Variants in HNF1B observed in about 807,000 individuals in gnomAD.
HNF1B encodes the protein HNF1 homeobox B, also known as hepatocyte nuclear factor 1-beta.
A neutral mutation model predicts 61.7 loss-of-function variants in HNF1B; 8 were observed. The ratio of observed to expected loss-of-function variants is 0.13; its 90% confidence interval spans 0.08 to 0.23. The LOEUF (loss-of-function observed/expected upper bound fraction) is 0.23, where lower values mean the gene tolerates loss of function less well. Among genes scored for constraint, HNF1B ranks in the 10% least tolerant of loss-of-function variants. The pLI is 1.00. For synonymous variants in HNF1B, 314 were observed against 287.7 expected (o/e 1.09, Z -0.93); for missense variants, 562 against 714.5 (o/e 0.79, Z 2.43).
At chr17:37,727,401 C>T (rs1280248232) in intron 4 of HNF1B, among the ~76,000 whole-genome samples, 2 of 152,108 alleles carry the variant, frequency 1.3e-5, no homozygotes, top group African/African-American at 4.8e-5. Context: ...CTTCAGGCCC[C>T]CAAGAAGAGC....
chr17:37,687,485 C>T, intron 8 of HNF1B, 93 bp from the exon 9 acceptor site: 1 of 950,548 alleles, frequency 1.1e-6, no homozygotes, highest in Non-Finnish European at 1.7e-6. Flanking sequence ...TGATGCCCAA[C>T]TCAACCAGCA....
In HNF1B at chr17:37,687,330, A is replaced by G; in HGVS notation, c.*42T>C. On this transcript the variant is annotated 3_prime_UTR_variant, in exon 9 of 9. Transcript: ENST00000617811. ...CCCAGAGGGTGATGGTGTGGAAAAC[A>G]GGGTCCTTGTTGTTGCGCACGAAGT... 3.7e-6 allele frequency: 6 copies of G among 1,614,120 alleles called. No individual in the cohort carries two copies. The highest frequency in any genetic ancestry group is 4.2e-6 in the Non-Finnish European group (5 of 1,180,040).
rs570274776 is a variant in HNF1B, at chr17:37,704,811, C to T, written c.1339+106G>A. The T allele has an allele frequency of 1.0e-4, 124 of 1,243,864 alleles. 1 individual carries two copies. The East Asian group carries it at 2.0e-3, about 20-fold the overall frequency. 77.1% of individuals were successfully genotyped at this position (1,243,864 alleles called of 1,614,324 possible). A position where few individuals can be genotyped will look rare whatever the true frequency, so the allele number is the denominator to read the frequency against. On this transcript the variant is annotated intron_variant, in intron 6 of 8. Coordinates refer to ENST00000617811, the MANE Select transcript of HNF1B (RefSeq NM_000458.4). ...AAGAAGTTAAACCAAATCTACTAGT[C>T]GTGGGTGAGTTTGAAGGAGACCTAC...
chr17:37,739,372 G>A (rs1471842104), intron 2 of HNF1B, 68 bp downstream of exon 2: 9 of 1,432,434 alleles, frequency 6.3e-6, no homozygotes, highest in Non-Finnish European at 8.9e-6. Flanking sequence ...GGGAAACTGA[G>A]GCAGCCAATG....
At chr17:37,728,624 T>G (rs1260739413) in intron 4 of HNF1B, 1 of 142,640 alleles carries the variant, frequency 7.0e-6, no homozygotes, top group African/African-American at 2.7e-5. Context: ...TTTTTTTTTT[T>G]CGGTATTCTG....
intron 2 of HNF1B, 49 bp from the exon 3 acceptor site, chr17:37,733,870 G>GCAGACAGA (rs3216929): frequency 7.8e-6 from 12 of 1,538,716 alleles, no homozygotes; most frequent in African/African-American, 6.9e-5. Context: ...CCTTCACTCA[G>GCAGACAGA]CAGACAGACA....
Position 37,694,409 on chromosome 17 carries a change from A to G in HNF1B, c.1653+4667T>C, listed in dbSNP as rs868110799. ...CCATTGTACTCCAGCTTGGGCAACA[A>G]GAGCAAAACTCCATCCCCCCGCCCC... On this transcript the variant is annotated intron_variant, in intron 8 of 8. Transcript: ENST00000617811. Among the ~76,000 whole-genome samples the G allele has an allele frequency of 6.2e-4, 84 of 135,702 alleles. 1 individual carries two copies. The highest frequency in any genetic ancestry group is 2.0e-3 in the African/African-American group (75 of 37,512). The allele number at this position is 135,702 out of a possible 152,430, so 89.0% of individuals were successfully genotyped here.
intron 4 of HNF1B, among the ~76,000 whole-genome samples, chr17:37,722,900 T>G (rs2033363179): frequency 6.6e-6 from 1 of 152,050 alleles, no homozygotes; most frequent in Admixed American, 6.6e-5. Context: ...TCTTAAATGC[T>G]CCTTCGCCTG....
intron 3 of HNF1B, among the ~76,000 whole-genome samples, chr17:37,732,515 G>A (rs1401940574): frequency 2.0e-5 from 3 of 152,200 alleles, no homozygotes; most frequent in Non-Finnish European, 4.4e-5. Context: ...TGACCTCCCT[G>A]GCTGCATTCT....
chr17:37,737,815 G>A (rs982627292), intron 2 of HNF1B, among the ~76,000 whole-genome samples: 8 of 152,060 alleles, frequency 5.3e-5, no homozygotes, highest in African/African-American at 7.3e-5. Flanking sequence ...AGTCTGGGTG[G>A]CAGAGCGAGA....
intron 3 of HNF1B, among the ~76,000 whole-genome samples, chr17:37,732,830 G>GTTGTTTTTGTGTTTTT (rs2147549792): frequency 1.4e-5 from 2 of 145,708 alleles, no homozygotes; most frequent in South Asian, 4.3e-4. Context: ...ATAACACAGA[G>GTTGTTTTTGTGTTTTT]TTGTTTTTTT....
intron 1 of HNF1B, 47 bp downstream of exon 1, chr17:37,744,494 G>T: frequency 6.3e-7 from 1 of 1,581,060 alleles, no homozygotes; most frequent in Non-Finnish European, 8.6e-7. Context: ...CCGGGGCCGG[G>T]GCTCCAGGGG....
Position 37,687,256 on chromosome 17 carries a change from GACCTCTCGCAGGT to G in HNF1B, c.*103_*115del. 2 of 1,553,234 alleles carry G rather than the reference GACCTCTCGCAGGT, an allele frequency of 1.3e-6. No individual in the cohort carries two copies. Among genetic ancestry groups the G allele is most frequent in the Non-Finnish European group, 1.8e-6 (2 of 1,127,460 alleles). ...GCAGGACGTCCGTCAGGTAAGCAGG[GACCTCTCGCAGGT>G]GCTGGTCAGGTCACTGGGCTTTTCC... is the stretch of plus-strand genomic sequence containing the variant. On this transcript the variant is annotated 3_prime_UTR_variant, in exon 9 of 9. Transcript: ENST00000617811.
chr17:37,732,666 G>T (rs1240025667), intron 3 of HNF1B, among the ~76,000 whole-genome samples: 3 of 143,358 alleles, frequency 2.1e-5, no homozygotes, highest in Non-Finnish European at 3.1e-5. Context: ...ATTTCCCAAG[G>T]CTTTCCAATC....
chr17:37,699,706 G>A (rs1392724605), intron 7 of HNF1B, among the ~76,000 whole-genome samples: 1 of 152,240 alleles, frequency 6.6e-6, no homozygotes, highest in Non-Finnish European at 1.5e-5. Context: ...GGCTCTGGGA[G>A]GAAGGGAAGT....
chr17:37,741,178 TAAG>T (rs1373364434), intron 1 of HNF1B, among the ~76,000 whole-genome samples: 1 of 152,188 alleles, frequency 6.6e-6, no homozygotes, highest in Non-Finnish European at 1.5e-5. Flanking sequence ...TGCAACATAA[TAAG>T]CAATTTTATT....
At chr17:37,718,707 C>T (rs2033205989) in intron 4 of HNF1B, among the ~76,000 whole-genome samples, 1 of 152,250 alleles carries the variant, frequency 6.6e-6, no homozygotes, top group Admixed American at 6.5e-5. Flanking sequence ...GGCTGCATCC[C>T]TCACTGTAAT....
At chr17:37,702,342 A>G (rs2032599729) in intron 6 of HNF1B, among the ~76,000 whole-genome samples, 1 of 152,162 alleles carries the variant, frequency 6.6e-6, no homozygotes, top group Non-Finnish European at 1.5e-5. Context: ...TACTGTTATC[A>G]GAAACCTAAA....
Position 37,733,601 on chromosome 17 carries a change from G to A in HNF1B, c.765C>T (p.Asn255=), listed in dbSNP as rs1568665632. The A allele has an allele frequency of 1.9e-6, 3 of 1,614,112 alleles. No homozygotes were observed. The highest frequency in any genetic ancestry group is 2.5e-6 in the Non-Finnish European group (3 of 1,180,026). Reference sequence around the variant, plus strand: ...AGGCCTCTCTCTCTTCCTTGCTGGGGTTCTTTTGCCGATCGTAGGCCTGGT... The same window carrying A: ...AGGCCTCTCTCTCTTCCTTGCTGGGATTCTTTTGCCGATCGTAGGCCTGGT... ...ILYQAYDRQK[N]PSKEEREALV... is the part of the protein sequence containing the mutation. Residue 255 remains asparagine (N), a synonymous_variant, in exon 3 of 9, where the codon AAC becomes AAT. Transcript: ENST00000617811.
Sources: gnomAD v4.1 joint callset for allele counts (sites outside exome capture counted in the v4.1 genomes callset) on GRCh38, gnomAD v4.1.1 for gene constraint, MANE v1.5 for transcripts, NCBI Gene and HGNC (gene_info 2026-07-23, HGNC 2026-07-21) for gene names.